The following RAB33A variants were observed in gnomAD, a reference collection of about 807,000 sequenced individuals.
RAB33A encodes the protein RAB33A, member RAS oncogene family.
RAB33A carries 6 observed loss-of-function variants against 12.0 expected under a neutral mutation model. The observed-to-expected ratio is 0.50, with a 90% confidence interval of 0.27 to 0.99. The LOEUF is 0.99. Ranked by LOEUF, RAB33A falls within the 50% of genes least tolerant of loss-of-function variation. The probability of loss-of-function intolerance (pLI) is 0.11; values close to 1 mark genes in which losing one functional copy is unlikely to be tolerated. For synonymous variants in RAB33A, 70 were observed against 82.4 expected, an observed-to-expected ratio of 0.85 and a Z score of 0.81; for missense variants, 109 against 192.0, an observed-to-expected ratio of 0.57 and a Z score of 2.55.
At chrX:130,118,214 C>G in the RAB33A span, among the ~76,000 whole-genome samples, 1 of 112,574 alleles carries the variant, frequency 8.9e-6, no homozygotes, top group Middle Eastern at 4.6e-3. Context: ...GAGGAGAGAT[C>G]AGGAGGGGCT....
At chrX:130,151,083 T>C in the RAB33A span, among the ~76,000 whole-genome samples, 5 of 107,266 alleles carry the variant, frequency 4.7e-5, no homozygotes, top group African/African-American at 1.7e-4. Context: ...TCAAATGAAA[T>C]CTCAGATTAA....
At chrX:130,154,306 C>T in the RAB33A span, among the ~76,000 whole-genome samples, 1 of 112,045 alleles carries the variant, frequency 8.9e-6, no homozygotes, top group Non-Finnish European at 1.9e-5. Flanking sequence ...GCATGGTCAA[C>T]TCTGTGGAGG....
chrX:130,175,898 A>G (rs1014323234), intron 1 of RAB33A, among the ~76,000 whole-genome samples: 10 of 111,947 alleles, frequency 8.9e-5, no homozygotes, highest in African/African-American at 3.3e-4. Flanking sequence ...TCTTGCAGAT[A>G]GGAAACTGAG....
rs377400817 is a variant in RAB33A, at chrX:130,183,768, C to T, written c.259-517C>T. ...CTAAAAATCTTAAGATTTTTTTCAACTCAAGATTTTCAGTTAACAATCTTA... is the reference window on the plus strand; with the variant it reads ...CTAAAAATCTTAAGATTTTTTTCAATTCAAGATTTTCAGTTAACAATCTTA... On this transcript the variant is annotated intron_variant, in intron 1 of 1. Coordinates refer to ENST00000257017, the MANE Select transcript of RAB33A (RefSeq NM_004794.3). Among the ~76,000 whole-genome samples the T allele has an allele frequency of 8.5e-4, 95 of 111,936 alleles. 3 individuals are homozygous for T. In the South Asian group the frequency reaches 0.031, roughly 37 times the overall value.
the RAB33A span, among the ~76,000 whole-genome samples, chrX:130,150,977 C>CAAAAAAAAAAAAA: frequency 0.011 from 299 of 27,722 alleles, 34 homozygotes; most frequent in African/African-American, 0.031. Context: ...GACTCTGTCT[C>CAAAAAAAAAAAAA]AAAAAAAAAA....
chrX:130,165,288 G>A, the RAB33A span, among the ~76,000 whole-genome samples: 3 of 111,169 alleles, frequency 2.7e-5, no homozygotes, highest in African/African-American at 9.8e-5. Context: ...ACAGCCAGTT[G>A]TTCTGGGATC....
chrX:130,115,432 G>C, the RAB33A span, among the ~76,000 whole-genome samples: 3 of 111,708 alleles, frequency 2.7e-5, no homozygotes, highest in Non-Finnish European at 5.6e-5. Flanking sequence ...GACCAACATG[G>C]GGAAACCCCA....
chrX:130,152,008 C>T, the RAB33A span, among the ~76,000 whole-genome samples: 6 of 109,547 alleles, frequency 5.5e-5, no homozygotes, highest in Non-Finnish European at 1.1e-4. Context: ...CACTGCACTC[C>T]AGCCTGGGCG....
intron 1 of RAB33A, among the ~76,000 whole-genome samples, chrX:130,180,199 A>G (rs902314428): frequency 2.7e-5 from 3 of 111,918 alleles, no homozygotes; most frequent in African/African-American, 9.7e-5. Context: ...AGAATTCCAC[A>G]TGTGGAATCC....
At chrX:130,181,007 CAAAAAAAAAAAAA>C (rs60085312) in intron 1 of RAB33A, among the ~76,000 whole-genome samples, 1 of 8,125 alleles carries the variant, frequency 1.2e-4, no homozygotes, top group Non-Finnish European at 2.5e-4. Flanking sequence ...CAGTCCATCT[CAAAAAAAAAAAAA>C]AAAAAAAAAA....
the RAB33A span, chrX:130,145,656 T>C: frequency 1.3e-6 from 1 of 762,516 alleles, no homozygotes; most frequent in Non-Finnish European, 2.0e-6. Flanking sequence ...GTTTCCATTA[T>C]CAGAAACTTT....
the RAB33A span, chrX:130,165,593 T>C: frequency 3.3e-6 from 4 of 1,202,393 alleles, no homozygotes; most frequent in South Asian, 7.2e-5. Context: ...ACGCACACGG[T>C]CCGCACCAAG....
intron 1 of RAB33A, among the ~76,000 whole-genome samples, chrX:130,182,179 T>TATACACAC (rs1556296464): frequency 0.055 from 3,952 of 72,469 alleles, 149 homozygotes; most frequent in South Asian, 0.085. Context: ...TATATATATA[T>TATACACAC]ATACACATAT....
the RAB33A span, among the ~76,000 whole-genome samples, chrX:130,135,433 T>TG: frequency 5.0e-5 from 1 of 20,074 alleles, no homozygotes; most frequent in African/African-American, 2.8e-4. Flanking sequence ...TACATCTTTT[T>TG]TTTTTTAAAA....
chrX:130,168,638 G>C (rs1278029181), upstream of RAB33A, among the ~76,000 whole-genome samples: 2 of 111,891 alleles, frequency 1.8e-5, no homozygotes, highest in Non-Finnish European at 3.8e-5. Flanking sequence ...CAATCCTGCT[G>C]CCTCAGCCTC....
chrX:130,145,863 G>A, the RAB33A span, among the ~76,000 whole-genome samples: 1 of 111,544 alleles, frequency 9.0e-6, no homozygotes, highest in East Asian at 2.8e-4. Flanking sequence ...AATGGCCAGG[G>A]ATGCTGCTAA....
At chrX:130,128,387 T>A in the RAB33A span, among the ~76,000 whole-genome samples, 1 of 110,512 alleles carries the variant, frequency 9.0e-6, no homozygotes, top group African/African-American at 3.3e-5. Flanking sequence ...AGCCTGACCA[T>A]CATGGAGAAA....
At chrX:130,168,182 A>AG (rs1238046574), upstream of RAB33A, among the ~76,000 whole-genome samples, 297 of 110,328 alleles carry the variant, frequency 2.7e-3, no homozygotes, top group Non-Finnish European at 4.0e-3. Context: ...ATTTCAAAAA[A>AG]GAAAAAGAAA....
chrX:130,165,596 G>A, the RAB33A span: 2 of 1,201,280 alleles, frequency 1.7e-6, no homozygotes, highest in South Asian at 1.8e-5. Context: ...CACACGGTCC[G>A]CACCAAGGGC....
Sources: gnomAD v4.1 joint callset for allele counts (sites outside exome capture counted in the v4.1 genomes callset) on GRCh38, gnomAD v4.1.1 for gene constraint, MANE v1.5 for transcripts, NCBI Gene and HGNC (gene_info 2026-07-23, HGNC 2026-07-21) for gene names.